Variants in IGSF21 observed in about 807,000 individuals in gnomAD.
The protein encoded by IGSF21 is immunoglobin superfamily member 21, also known as immunoglobulin superfamily member 21.
Under a neutral mutation model 46.8 loss-of-function variants are expected in IGSF21, and 28 were observed. The ratio of observed to expected loss-of-function variants is 0.60; its 90% CI spans 0.44 to 0.82. IGSF21 has a LOEUF of 0.82. Ranked by LOEUF, IGSF21 falls within the 40% of genes least tolerant of loss-of-function variation. The pLI is 0.00. For synonymous variants in IGSF21, 284 were observed against 273.6 expected, an observed-to-expected ratio of 1.04 and a Z score of -0.38; for missense variants, 624 against 665.5, an observed-to-expected ratio of 0.94 and a Z score of 0.69.
chr1:18,340,826 C>T (rs1569843127), intron 4 of IGSF21, among the ~76,000 whole-genome samples: 2 of 152,054 alleles, frequency 1.3e-5, no homozygotes, highest in Admixed American at 1.3e-4. Flanking sequence ...CATCATATGG[C>T]CTTCTCTCTC....
rs531727797 is a variant in IGSF21, at chr1:18,203,718, A to G, written c.71-24180A>G. On this transcript the variant is annotated intron_variant, in intron 1 of 9. Coordinates refer to ENST00000251296, the MANE Select transcript of IGSF21 (RefSeq NM_032880.5). ...GCAGCAGAGTCTGCTATGAAGGGGA[A>G]CAGGTGGGGTGGGGGCGAGGGTGGT... Among the ~76,000 whole-genome samples, 5 of 152,324 alleles carry G rather than the reference A, an allele frequency of 3.3e-5. No homozygotes were observed. In the East Asian group the frequency reaches 9.6e-4, roughly 29 times the overall value.
At position 18,287,194 on chromosome 1, in the gene IGSF21, A is replaced by AAAAT. The variant is rs1553160829; in HGVS notation, c.184-4656_184-4653dup. 2.0e-3 allele frequency among the ~76,000 whole-genome samples: 246 copies of AAAAT among 124,840 alleles called. 3 individuals are homozygous for AAAAT. Among genetic ancestry groups the AAAAT allele is most frequent in the African/African-American group, 8.1e-3 (233 of 28,736 alleles). 81.9% of individuals were successfully genotyped at this position (124,840 alleles called of 152,430 possible). ...AGACTCCGTCTCAAAAAAAAAAAAT[A>AAAAT]AAATAAATAAATAAATAAAAATAAA... On this transcript the variant is annotated intron_variant, in intron 2 of 9. Coordinates refer to ENST00000251296, the MANE Select transcript of IGSF21 (RefSeq NM_032880.5).
intron 4 of IGSF21, among the ~76,000 whole-genome samples, chr1:18,358,006 T>C (rs1457613904): frequency 6.6e-6 from 1 of 151,948 alleles, no homozygotes; most frequent in East Asian, 1.9e-4. Flanking sequence ...GTGTGGGTGG[T>C]GCGTGTGACT....
chr1:18,369,355 T>A (rs1365120512), intron 6 of IGSF21, among the ~76,000 whole-genome samples: 1 of 152,206 alleles, frequency 6.6e-6, no homozygotes, highest in Non-Finnish European at 1.5e-5. Context: ...AGGTCTCCTT[T>A]AAACCTGCAG....
chr1:18,357,519 AG>A (rs1403537241), intron 4 of IGSF21, among the ~76,000 whole-genome samples: 63 of 126,374 alleles, frequency 5.0e-4, no homozygotes, highest in Admixed American at 1.9e-3. Flanking sequence ...GAGCAGGTGG[AG>A]AGGGGGAGTG....
intron 3 of IGSF21, among the ~76,000 whole-genome samples, chr1:18,302,106 C>T (rs999842723): frequency 2.6e-5 from 4 of 152,086 alleles, no homozygotes; most frequent in African/African-American, 9.7e-5. Flanking sequence ...CTCTCAGGTT[C>T]CCACTTCTTC....
chr1:18,169,816 C>T (rs1452810724), intron 1 of IGSF21, among the ~76,000 whole-genome samples: 1 of 152,046 alleles, frequency 6.6e-6, no homozygotes, highest in Non-Finnish European at 1.5e-5. Flanking sequence ...GGTACTTGGC[C>T]CACAGAGATG....
At chr1:18,377,316 C>A in intron 8 of IGSF21, 77 bp from the exon 9 acceptor site, 1 of 1,284,328 alleles carries the variant, frequency 7.8e-7, no homozygotes, top group Non-Finnish European at 1.1e-6. Context: ...ACAGCAGGTG[C>A]TGGGTAAAGG....
At chr1:18,318,814 A>G (rs564184960) in intron 3 of IGSF21, among the ~76,000 whole-genome samples, 3 of 152,312 alleles carry the variant, frequency 2.0e-5, no homozygotes, top group African/African-American at 2.4e-5. Flanking sequence ...TCAATGACAA[A>G]TTATTGAAAA....
At chr1:18,215,851 A>G (rs2084439040) in intron 1 of IGSF21, among the ~76,000 whole-genome samples, 1 of 152,164 alleles carries the variant, frequency 6.6e-6, no homozygotes, top group African/African-American at 2.4e-5. Context: ...AGCATAATCC[A>G]CATTGTTCCA....
At chr1:18,120,759 C>T (rs534087508) in intron 1 of IGSF21, among the ~76,000 whole-genome samples, 26 of 152,212 alleles carry the variant, frequency 1.7e-4, no homozygotes, top group African/African-American at 5.1e-4. Context: ...ACTGGCTTTT[C>T]GGCAGCATGT....
At chr1:18,124,674 A>C (rs553319092) in intron 1 of IGSF21, among the ~76,000 whole-genome samples, 1 of 152,294 alleles carries the variant, frequency 6.6e-6, no homozygotes, top group Non-Finnish European at 1.5e-5. Flanking sequence ...CTGCCTCGGC[A>C]GTCACTGGAT....
chr1:18,279,887 C>T (rs879579658), intron 2 of IGSF21, among the ~76,000 whole-genome samples: 2 of 152,336 alleles, frequency 1.3e-5, no homozygotes, highest in Middle Eastern at 3.4e-3. Flanking sequence ...TGCCGGCGGC[C>T]GATCATGCTG....
intron 1 of IGSF21, among the ~76,000 whole-genome samples, chr1:18,154,106 T>C (rs765875337): frequency 1.1e-4 from 17 of 152,134 alleles, no homozygotes; most frequent in Non-Finnish European, 1.3e-4. Context: ...TTTTAGTTAA[T>C]TTTCTCACCT....
rs376475099 is a variant in IGSF21 at position 18,377,405 on chromosome 1, T to C, written c.1307T>C (p.Ile436Thr). ...TTCTTTCCAACAGAAAACCCAAATA[T>C]CCCAAGAGGAACGGAGGACTCTAAT... ...TRLIVFENPNIPRGTEDSNGS... is the reference protein window; with the variant it reads ...TRLIVFENPNTPRGTEDSNGS... Residue 436 changes from isoleucine to threonine, a missense_variant, in exon 9 of 10, where the codon ATC (isoleucine) becomes ACC (threonine). Ile to Thr is a moderately conservative substitution (Grantham distance 89, BLOSUM62 -1). Transcript: ENST00000251296. 10 of 1,613,612 alleles carry C rather than the reference T, an allele frequency of 6.2e-6. No individual in the cohort carries two copies. The highest frequency in any genetic ancestry group is 8.5e-6 in the Non-Finnish European group (10 of 1,179,618).
chr1:18,145,800 G>T (rs1386694710), intron 1 of IGSF21, among the ~76,000 whole-genome samples: 1 of 152,180 alleles, frequency 6.6e-6, no homozygotes, highest in Non-Finnish European at 1.5e-5. Context: ...AAGTCCAAAT[G>T]ATGCCCTTGG....
intron 4 of IGSF21, among the ~76,000 whole-genome samples, chr1:18,336,405 G>C (rs147541038): frequency 6.6e-6 from 1 of 152,176 alleles, no homozygotes; most frequent in Non-Finnish European, 1.5e-5. Context: ...CCAAGGGTAC[G>C]TGCTAGCATT....
At chr1:18,238,010 G>A (rs958579926) in intron 2 of IGSF21, among the ~76,000 whole-genome samples, 1 of 53,206 alleles carries the variant, frequency 1.9e-5, no homozygotes, top group African/African-American at 4.1e-5. Context: ...GCTTCTGGGG[G>A]TGCTCAAACC....
chr1:18,189,260 A>G (rs2086932908), intron 1 of IGSF21, among the ~76,000 whole-genome samples: 1 of 152,144 alleles, frequency 6.6e-6, no homozygotes, highest in Non-Finnish European at 1.5e-5. Context: ...GCAGAAAACT[A>G]AATTTGGATC....
Sources: allele counts gnomAD v4.1 joint callset (sites outside exome capture counted in the v4.1 genomes callset), GRCh38; gene constraint gnomAD v4.1.1; transcripts MANE v1.5; gene names NCBI Gene and HGNC (gene_info 2026-07-23, HGNC 2026-07-21).